ATP9A: variants seen among roughly 807,000 people sequenced by gnomAD.
The protein encoded by ATP9A is probable phospholipid-transporting ATPase IIA.
Under a neutral mutation model 144.1 loss-of-function variants are expected in ATP9A, and 52 were observed. That is an observed-to-expected ratio of 0.36 (90% CI 0.29 to 0.45). The LOEUF (loss-of-function observed/expected upper bound fraction) is 0.45. Among genes scored for constraint, ATP9A ranks in the 20% least tolerant of loss-of-function variants. The pLI is 1.00. For missense variants in ATP9A, 947 were observed against 1,392.7 expected (o/e 0.68, Z 5.09); for synonymous variants, 582 against 557.4 (o/e 1.04, Z -0.62).
chr20:51,753,729 C>T (rs1227508851), intron 1 of ATP9A, among the ~76,000 whole-genome samples: 1 of 149,512 alleles, frequency 6.7e-6, no homozygotes, highest in African/African-American at 2.5e-5. Context: ...AGCAGTGGCA[C>T]GATCTCGACT....
rs1191053021 is a variant in ATP9A at position 51,639,383 on chromosome 20, G to A, written c.1628C>T (p.Pro543Leu). 5 of 1,614,044 alleles carry A rather than the reference G, an allele frequency of 3.1e-6. No homozygotes were observed. Among genetic ancestry groups the A allele is most frequent in the East Asian group, 2.2e-5 (1 of 44,870 alleles). The change falls in exon 15 of 28, where the codon CCT becomes CTT. Residue 543 changes from proline to leucine, a missense_variant. Physicochemically the swap from Pro to Leu is moderately conservative, Grantham distance 98 (BLOSUM62 -3). Transcript: ENST00000338821. ...ILNFTILQIFPFTYESKRMGI... is the reference protein window; with the variant it reads ...ILNFTILQIFLFTYESKRMGI... Reference sequence around the variant, plus strand: ...CATACGTTTGCTTTCATAGGTGAAAGGGAAGATCTGTAGGATGGTGAAGTT... The same window carrying A: ...CATACGTTTGCTTTCATAGGTGAAAAGGAAGATCTGTAGGATGGTGAAGTT...
rs201835411 is a variant in ATP9A at position 51,689,133 on chromosome 20, T to C, written c.730A>G (p.Ser244Gly). 6.2e-7 allele frequency: 1 copy of C among 1,614,034 alleles called. No homozygotes were observed. The highest frequency in any genetic ancestry group is 2.2e-5 in the East Asian group (1 of 44,878). The part of the protein sequence containing the change: ...NFVGTFTRED[S>G]DPPISESLSI... ...AGGCTCTCGCTGATCGGGGGGTCGC[T>C]GTCTTCCTGGAAAAGACCAAACGGA... Residue 244 changes from serine to glycine, a missense_variant, in exon 9 of 28, where the codon AGC becomes GGC. By Grantham distance (56) the Ser-to-Gly change is moderately conservative. Around this residue, in one of 2 missense-constraint regions of ATP9A, gnomAD observed 770 missense variants for 1,047.9 expected, o/e 0.73. Transcript: ENST00000338821.
intron 1 of ATP9A, among the ~76,000 whole-genome samples, chr20:51,739,722 G>A (rs560221114): frequency 1.3e-5 from 2 of 152,320 alleles, no homozygotes; most frequent in South Asian, 2.1e-4. Context: ...TAGCCAGGGA[G>A]AGCCCTGGAT....
At chr20:51,644,234 A>G (rs986291770) in intron 14 of ATP9A, among the ~76,000 whole-genome samples, 9 of 150,180 alleles carry the variant, frequency 6.0e-5, no homozygotes, top group Non-Finnish European at 1.3e-4. Flanking sequence ...AGTGATACAC[A>G]TGGAGAGAAT....
intron 13 of ATP9A, among the ~76,000 whole-genome samples, chr20:51,667,414 T>C (rs2077437286): frequency 6.6e-6 from 1 of 152,100 alleles, no homozygotes; most frequent in African/African-American, 2.4e-5. Flanking sequence ...GATACAGACA[T>C]GTAGCTGGGT....
At chr20:51,738,700 ACT>A (rs2077772699) in intron 1 of ATP9A, among the ~76,000 whole-genome samples, 2 of 151,206 alleles carry the variant, frequency 1.3e-5, no homozygotes, top group Admixed American at 6.6e-5. Context: ...ACAGAGCAAG[ACT>A]CTGTCTCAAA....
At chr20:51,655,061 C>A (rs905389892) in intron 14 of ATP9A, among the ~76,000 whole-genome samples, 1 of 152,188 alleles carries the variant, frequency 6.6e-6, no homozygotes, top group Non-Finnish European at 1.5e-5. Context: ...TTGCAAAATA[C>A]TTATAAATAT....
intron 1 of ATP9A, among the ~76,000 whole-genome samples, chr20:51,744,048 T>C (rs113050062): frequency 2.6e-5 from 4 of 152,166 alleles, no homozygotes; most frequent in African/African-American, 7.2e-5. Flanking sequence ...AAGGAAAATA[T>C]GAAATAACTT....
Position 51,758,040 on chromosome 20 carries a change from G to A in ATP9A, c.68+10262C>T, listed in dbSNP as rs371418692. Among the ~76,000 whole-genome samples the A allele has an allele frequency of 6.6e-4, 101 of 152,268 alleles. No homozygotes were observed. The Middle Eastern group carries it at 0.014, about 21-fold the overall frequency. ...TCCTAAATGTCAGGCATGACTTGGG[G>A]TATTTACAAATCTCAGGAACTTTTA... On this transcript the variant is annotated intron_variant, in intron 1 of 27. Transcript: ENST00000338821.
intron 19 of ATP9A, among the ~76,000 whole-genome samples, chr20:51,621,512 T>C (rs2077226841): frequency 6.6e-6 from 1 of 152,132 alleles, no homozygotes; most frequent in Non-Finnish European, 1.5e-5. Context: ...CCTAGCACAG[T>C]CCTCACTGGC....
At chr20:51,704,837 A>G (rs2077608700) in intron 4 of ATP9A, among the ~76,000 whole-genome samples, 1 of 152,234 alleles carries the variant, frequency 6.6e-6, no homozygotes, top group Non-Finnish European at 1.5e-5. Context: ...GGCAGTATGA[A>G]AAAGTATTCA....
chr20:51,685,608 C>T (rs900791328), intron 9 of ATP9A, among the ~76,000 whole-genome samples: 12 of 142,656 alleles, frequency 8.4e-5, no homozygotes, highest in African/African-American at 3.1e-4. Flanking sequence ...AAAACAGACA[C>T]GAAAAAATGC....
At chr20:51,715,913 G>A (rs745483920) in intron 3 of ATP9A, among the ~76,000 whole-genome samples, 1 of 151,948 alleles carries the variant, frequency 6.6e-6, no homozygotes, top group Non-Finnish European at 1.5e-5. Context: ...TCACAGACAA[G>A]CAACTCTGAA....
chr20:51,664,647 C>T (rs2077425013), intron 13 of ATP9A, among the ~76,000 whole-genome samples: 1 of 151,958 alleles, frequency 6.6e-6, no homozygotes, highest in Non-Finnish European at 1.5e-5. Context: ...ATTTCTCACA[C>T]AATTAGCTAA....
At chr20:51,612,255 T>G (rs1026156089) in intron 23 of ATP9A, among the ~76,000 whole-genome samples, 7 of 152,196 alleles carry the variant, frequency 4.6e-5, no homozygotes, top group African/African-American at 1.7e-4. Context: ...AGACGTGAGT[T>G]CCAGGATCTA....
At chr20:51,710,279 G>A (rs2077632225) in intron 4 of ATP9A, among the ~76,000 whole-genome samples, 1 of 151,646 alleles carries the variant, frequency 6.6e-6, no homozygotes, top group Non-Finnish European at 1.5e-5. Context: ...CTCCAGCTTG[G>A]GCAACAAGAG....
chr20:51,664,392 G>A (rs948217524), intron 13 of ATP9A, among the ~76,000 whole-genome samples: 2 of 151,972 alleles, frequency 1.3e-5, no homozygotes, highest in Non-Finnish European at 1.5e-5. Flanking sequence ...TTCGAGACCA[G>A]CCTGGGCAAA....
intron 10 of ATP9A, among the ~76,000 whole-genome samples, chr20:51,674,790 C>T (rs1283681122): frequency 6.6e-6 from 1 of 151,956 alleles, no homozygotes; most frequent in African/African-American, 2.4e-5. Context: ...TGGTGGCACC[C>T]GATTTTTAGG....
chr20:51,702,890 CA>C (rs1028155774), intron 4 of ATP9A, among the ~76,000 whole-genome samples: 1 of 152,048 alleles, frequency 6.6e-6, no homozygotes, highest in Non-Finnish European at 1.5e-5. Flanking sequence ...TTACCAATCT[CA>C]AAAAAGGGCA....
Sources: gnomAD v4.1 joint callset for allele counts (sites outside exome capture counted in the v4.1 genomes callset) on GRCh38, gnomAD v4.1.1 for gene constraint, gnomAD v4.1.1 regional missense constraint, MANE v1.5 for transcripts, NCBI Gene and HGNC (gene_info 2026-07-23, HGNC 2026-07-21) for gene names.